Variants in GRK4 observed in about 807,000 individuals in gnomAD.
GRK4 encodes G protein-coupled receptor kinase 2-like.
In GRK4, 73 loss-of-function variants were observed where a neutral mutation model predicts 77.9. The observed-to-expected ratio is 0.94, with a 90% confidence interval of 0.78 to 1.14. The LOEUF is 1.14. Ranked by LOEUF, GRK4 falls within the 50% of genes most tolerant of loss-of-function variation. GRK4 has a pLI of 0.00. For missense variants in GRK4, 729 were observed against 700.2 expected (o/e 1.04, Z -0.46); for synonymous variants, 257 against 254.4 (o/e 1.01, Z -0.10).
intron 11 of GRK4, 64 bp from the exon 12 acceptor site, chr4:3,029,137 G>A (rs1178487342): frequency 7.8e-7 from 1 of 1,275,338 alleles, no homozygotes; most frequent in Non-Finnish European, 1.1e-6. Flanking sequence ...GTGTTACTGG[G>A]AATTATAAGA....
chr4:2,991,365 C>G (rs1226543322), intron 3 of GRK4, among the ~76,000 whole-genome samples: 1 of 152,182 alleles, frequency 6.6e-6, no homozygotes, highest in Non-Finnish European at 1.5e-5. Context: ...AAGTACCTTC[C>G]CAGCAGCACC....
chr4:3,013,586 G>T (rs1230548854), intron 7 of GRK4, 102 bp from the exon 8 acceptor site: 1 of 1,382,220 alleles, frequency 7.2e-7, no homozygotes, highest in Admixed American at 2.2e-5. Flanking sequence ...CACTGCTGCT[G>T]GTCTCTGCCA....
chr4:2,995,663 G>A (rs11943682), intron 4 of GRK4, among the ~76,000 whole-genome samples: 3,973 of 151,682 alleles, frequency 0.026, 160 homozygotes, highest in African/African-American at 0.092. Flanking sequence ...GTGATAAAGT[G>A]AGACTCCTTC....
chr4:3,000,463 T>C (rs189200058), intron 4 of GRK4, among the ~76,000 whole-genome samples: 1 of 152,234 alleles, frequency 6.6e-6, no homozygotes, highest in African/African-American at 2.4e-5. Flanking sequence ...ATATTTTGTC[T>C]TGTTTTCTGC....
chr4:2,973,572 A>G (rs549655823), intron 1 of GRK4, among the ~76,000 whole-genome samples: 16 of 152,284 alleles, frequency 1.1e-4, no homozygotes, highest in African/African-American at 3.4e-4. Flanking sequence ...ATGCTCATGT[A>G]GCTGCACTTG....
In GRK4 at chr4:2,984,522, G is replaced by C. The variant is rs760987933; in HGVS notation, c.62G>C (p.Gly21Ala). 1.9e-6 allele frequency: 3 copies of C among 1,609,292 alleles called. No individual in the cohort carries two copies. The highest frequency in any genetic ancestry group is 2.5e-6 in the Non-Finnish European group (3 of 1,176,538). Residue 21 changes from glycine (G) to alanine (A), a missense_variant, in exon 2 of 16, where the codon GGC (glycine) becomes GCC (alanine). By Grantham distance (60) the Gly-to-Ala change is moderately conservative. Coordinates refer to ENST00000398052, the MANE Select transcript of GRK4 (RefSeq NM_182982.3). ...LLLKARQGGY[G>A]KKSGRSKKWK... is the part of the protein sequence containing the mutation. ...TTTCTCCCAAATTCAGGAGGATATG[G>C]CAAAAAAAGTGGTCGTAGTAAAAAA...
chr4:2,967,817 T>C (rs1157916049), intron 1 of GRK4, among the ~76,000 whole-genome samples: 2 of 151,468 alleles, frequency 1.3e-5, no homozygotes, highest in Non-Finnish European at 2.9e-5. Flanking sequence ...GTCGTTTTGC[T>C]CTTGTTGCCC....
rs1255144559 is a variant in GRK4, at chr4:2,963,993, G to T, written c.-78G>T. On this transcript the variant is annotated 5_prime_UTR_variant, in exon 1 of 16. Transcript: ENST00000398052. ...GGTGCCCGGCGAGCTATGCACGGGG[G>T]CGGCGGCGTCTCCTCCTGTTCCGCC... is the stretch of plus-strand genomic sequence containing the variant. 2 of 1,300,244 alleles carry T rather than the reference G, an allele frequency of 1.5e-6. No homozygotes were observed. Among genetic ancestry groups the T allele is most frequent in the South Asian group, 1.2e-5 (1 of 80,682 alleles). 80.5% of individuals were successfully genotyped at this position (1,300,244 alleles called of 1,614,324 possible). A position where few individuals can be genotyped will look rare whatever the true frequency, so the allele number is the denominator to read the frequency against.
At chr4:2,966,423 AAAAG>A (rs1228270013) in intron 1 of GRK4, 4 of 152,164 alleles carry the variant, frequency 2.6e-5, no homozygotes, top group Non-Finnish European at 5.9e-5. Flanking sequence ...AAAAAAAAAA[AAAAG>A]AAAGTTTTAA....
Position 3,021,305 on chromosome 4 carries a change from C to T in GRK4, c.933-1109C>T, listed in dbSNP as rs61791225. Among the ~76,000 whole-genome samples the T allele has an allele frequency of 3.3e-3, 507 of 152,334 alleles. 3 individuals carry two copies. The highest frequency in any genetic ancestry group is 3.7e-3 in the Non-Finnish European group (254 of 68,024). Reference sequence around the variant, plus strand: ...CCTGTCATTCTGAGAGACTCCTGCTCATCCGCCCAGAGTTGGCCCACACAG... The same window carrying T: ...CCTGTCATTCTGAGAGACTCCTGCTTATCCGCCCAGAGTTGGCCCACACAG... On this transcript the variant is annotated intron_variant, in intron 9 of 15. Coordinates refer to ENST00000398052, the MANE Select transcript of GRK4 (RefSeq NM_182982.3).
Position 3,040,745 on chromosome 4 carries a change from G to C in GRK4, c.*120G>C, listed in dbSNP as rs1742160452. 1 of 637,474 alleles carries C rather than the reference G, an allele frequency of 1.6e-6. No homozygotes were observed. The highest frequency in any genetic ancestry group is 2.2e-5 in the South Asian group (1 of 46,058). The allele number at this position is 637,474 out of a possible 1,614,324, so 39.5% of individuals were successfully genotyped here. ...ATAAAACATGCCTTGGGAGTGTACA[G>C]ACCTTTCTGCACTAATACCTGAGTT... On this transcript the variant is annotated 3_prime_UTR_variant, in exon 16 of 16. Coordinates refer to ENST00000398052, the MANE Select transcript of GRK4 (RefSeq NM_182982.3).
intron 4 of GRK4, among the ~76,000 whole-genome samples, chr4:3,001,263 ATGTG>A (rs533646986): frequency 3.2e-5 from 3 of 95,044 alleles, no homozygotes; most frequent in Admixed American, 2.9e-4. Flanking sequence ...ATGTATATAT[ATGTG>A]TGTATGTATG....
At chr4:2,983,548 C>A (rs1346486876) in intron 1 of GRK4, among the ~76,000 whole-genome samples, 1 of 152,248 alleles carries the variant, frequency 6.6e-6, no homozygotes, top group East Asian at 1.9e-4. Flanking sequence ...CTCTGCCACT[C>A]ACATCCTTCA....
chr4:3,033,469 C>T (rs1169384338), intron 12 of GRK4, among the ~76,000 whole-genome samples: 7 of 152,164 alleles, frequency 4.6e-5, no homozygotes, highest in East Asian at 1.9e-4. Flanking sequence ...TCCTGGCCCT[C>T]GATGGGAGTG....
At chr4:3,031,823 G>T (rs949055184) in intron 12 of GRK4, among the ~76,000 whole-genome samples, 5 of 152,170 alleles carry the variant, frequency 3.3e-5, no homozygotes, top group African/African-American at 1.2e-4. Flanking sequence ...CACTGGAGAA[G>T]AGAAGGCCAC....
Position 2,975,873 on chromosome 4 carries a change from C to T in GRK4, c.53-8640C>T, listed in dbSNP as rs575237253. Among the ~76,000 whole-genome samples, 25 of 152,204 alleles carry T rather than the reference C, an allele frequency of 1.6e-4. No homozygotes were observed. In the South Asian group the frequency reaches 2.9e-3, roughly 18 times the overall value. ...TTTGTACTGAGCTCCTGCACTAGGC[C>T]CCAAAAATCAAACCAAAATTGAGTC... is the stretch of plus-strand genomic sequence containing the variant. On this transcript the variant is annotated intron_variant, in intron 1 of 15. Coordinates refer to ENST00000398052, the MANE Select transcript of GRK4 (RefSeq NM_182982.3).
intron 7 of GRK4, among the ~76,000 whole-genome samples, chr4:3,013,419 TG>T (rs1733487673): frequency 6.6e-6 from 1 of 152,188 alleles, no homozygotes; most frequent in Non-Finnish European, 1.5e-5. Context: ...AATACACATA[TG>T]GGGACATTTA....
intron 4 of GRK4, among the ~76,000 whole-genome samples, chr4:2,993,488 A>G (rs1221690946): frequency 6.6e-6 from 1 of 152,198 alleles, no homozygotes; most frequent in Non-Finnish European, 1.5e-5. Context: ...GGCCTGGCCA[A>G]TATGGTGAAA....
chr4:3,026,295 A>G (rs769965316), intron 10 of GRK4, among the ~76,000 whole-genome samples: 1 of 152,140 alleles, frequency 6.6e-6, no homozygotes, highest in Non-Finnish European at 1.5e-5. Flanking sequence ...AGTTTTTGTC[A>G]GTTTGTTAGC....
Sources: gnomAD v4.1 joint callset for allele counts (sites outside exome capture counted in the v4.1 genomes callset) on GRCh38, gnomAD v4.1.1 for gene constraint, MANE v1.5 for transcripts, NCBI Gene and HGNC (gene_info 2026-07-23, HGNC 2026-07-21) for gene names.